Variants in MCTP1 observed in about 807,000 individuals in gnomAD.
The protein encoded by MCTP1 is multiple C2 and transmembrane domain containing 1.
In MCTP1, 69 loss-of-function variants were observed where a neutral mutation model predicts 120.6. The ratio of observed to expected loss-of-function variants is 0.57; its 90% CI spans 0.47 to 0.70. The LOEUF is 0.70. MCTP1 is among the 30% of genes least tolerant of loss of function. MCTP1 has a pLI of 0.00. For missense variants in MCTP1, 1,203 were observed against 1,248.8 expected, an observed-to-expected ratio of 0.96 and a Z score of 0.55; for synonymous variants, 529 against 493.1, an observed-to-expected ratio of 1.07 and a Z score of -0.96.
intron 1 of MCTP1, among the ~76,000 whole-genome samples, chr5:95,198,477 C>A (rs1750636994): frequency 1.3e-5 from 2 of 152,042 alleles, no homozygotes; most frequent in African/African-American, 2.4e-5. Flanking sequence ...TTGTGTTAGA[C>A]AATTTTGCCC....
intron 2 of MCTP1, among the ~76,000 whole-genome samples, chr5:94,990,767 T>C (rs910870249): frequency 6.6e-6 from 1 of 152,158 alleles, no homozygotes; most frequent in African/African-American, 2.4e-5. Context: ...ATTCCACAAG[T>C]CTTAAATCCA....
At chr5:94,849,411 T>C (rs1057019839) in intron 17 of MCTP1, among the ~76,000 whole-genome samples, 7 of 152,182 alleles carry the variant, frequency 4.6e-5, no homozygotes, top group Non-Finnish European at 1.0e-4. Context: ...TGAATAAATA[T>C]GTGCCGTTTA....
Position 94,870,889 on chromosome 5 carries a change from C to G in MCTP1, c.2224G>C (p.Asp742His), listed in dbSNP as rs531243750. The change falls in exon 15 of 23, where the codon GAT becomes CAT. Residue 742 changes from aspartate (D) to histidine (H), a missense_variant. Asp to His is a moderately conservative substitution (Grantham distance 81). Transcript: ENST00000515393. ...PTKGVIYLEI[D>H]VIFNAVKASL... ...AGACTTACAGCATTAAAAATCACAT[C>G]TATTTCAAGATAGATGACCCCCTTT... 1.9e-6 allele frequency: 3 copies of G among 1,612,518 alleles called. No individual in the cohort carries two copies. Among genetic ancestry groups the G allele is most frequent in the Non-Finnish European group, 2.5e-6 (3 of 1,178,798 alleles).
chr5:94,919,784 C>G (rs293046), intron 7 of MCTP1, among the ~76,000 whole-genome samples: 35,565 of 152,108 alleles, frequency 0.23, 4,626 homozygotes, highest in East Asian at 0.6. Flanking sequence ...TTTATTCCAG[C>G]GAATTGCACC....
intron 17 of MCTP1, among the ~76,000 whole-genome samples, chr5:94,848,429 T>G (rs1792965907): frequency 6.6e-6 from 1 of 152,020 alleles, no homozygotes; most frequent in African/African-American, 2.4e-5. Context: ...TCTAACCACT[T>G]AAGATGTGAA....
At chr5:95,101,951 C>G (rs946512857) in intron 1 of MCTP1, among the ~76,000 whole-genome samples, 2 of 152,158 alleles carry the variant, frequency 1.3e-5, no homozygotes, top group Non-Finnish European at 2.9e-5. Context: ...ATCAGATGCT[C>G]TCCTAGGGCA....
intron 1 of MCTP1, among the ~76,000 whole-genome samples, chr5:95,187,636 G>A (rs1300045498): frequency 1.8e-4 from 27 of 152,218 alleles, no homozygotes; most frequent in African/African-American, 6.0e-4. Context: ...TCCTGACCTC[G>A]TGATCCACCC....
intron 17 of MCTP1, among the ~76,000 whole-genome samples, chr5:94,849,042 T>C (rs1793110176): frequency 6.6e-6 from 1 of 152,004 alleles, no homozygotes; most frequent in Non-Finnish European, 1.5e-5. Context: ...TCAGAAACAA[T>C]TTGTTCAAAG....
At chr5:95,227,415 TC>T (rs1327076013) in intron 1 of MCTP1, among the ~76,000 whole-genome samples, 1 of 152,158 alleles carries the variant, frequency 6.6e-6, no homozygotes, top group Non-Finnish European at 1.5e-5. Context: ...ATAGAATCAA[TC>T]ATCACCCATT....
intron 17 of MCTP1, among the ~76,000 whole-genome samples, chr5:94,807,505 G>C (rs1016374386): frequency 6.6e-6 from 1 of 152,142 alleles, no homozygotes; most frequent in African/African-American, 2.4e-5. Flanking sequence ...TTGAAGAGTA[G>C]GATAGTTAGA....
At chr5:94,958,534 G>C (rs1447973396) in intron 2 of MCTP1, among the ~76,000 whole-genome samples, 2 of 152,028 alleles carry the variant, frequency 1.3e-5, no homozygotes, top group Admixed American at 6.6e-5. Context: ...GGATAATAAA[G>C]AAGAAAAGAG....
chr5:94,924,113 A>G, intron 6 of MCTP1, 92 bp from the exon 7 acceptor site: 1 of 734,684 alleles, frequency 1.4e-6, no homozygotes, highest in Non-Finnish European at 2.1e-6. Flanking sequence ...AAGCAAATAA[A>G]AAATCGAAAA....
chr5:95,076,733 C>T (rs1207756124), intron 1 of MCTP1, among the ~76,000 whole-genome samples: 1 of 152,184 alleles, frequency 6.6e-6, no homozygotes, highest in Non-Finnish European at 1.5e-5. Flanking sequence ...ATAGAATGTC[C>T]TCAAACCGTG....
rs986928395 is a variant in MCTP1, at chr5:94,766,005, G to A, written c.2610+13105C>T. Among the ~76,000 whole-genome samples the A allele has an allele frequency of 3.3e-5, 5 of 152,180 alleles. No homozygotes were observed. The South Asian group carries it at 1.0e-3, about 31-fold the overall frequency. On this transcript the variant is annotated intron_variant, in intron 19 of 22. Transcript: ENST00000515393. The stretch of plus-strand genomic sequence containing the variant: ...CACGCTTGTAATCCCAGCACTTTGG[G>A]AGGCCGAGGAGGGCAGATCGCCTGA...
At chr5:94,835,804 A>C (rs554269142) in intron 17 of MCTP1, among the ~76,000 whole-genome samples, 1 of 152,246 alleles carries the variant, frequency 6.6e-6, no homozygotes, top group East Asian at 1.9e-4. Context: ...GGAGATCGAG[A>C]CCACCCTGAC....
chr5:95,134,040 T>C (rs1759250980), intron 1 of MCTP1, among the ~76,000 whole-genome samples: 2 of 152,334 alleles, frequency 1.3e-5, no homozygotes, highest in East Asian at 3.9e-4. Flanking sequence ...TTTCATCTGT[T>C]TGTCTGATCT....
chr5:95,212,475 T>C (rs1752501012), intron 1 of MCTP1, among the ~76,000 whole-genome samples: 1 of 151,582 alleles, frequency 6.6e-6, no homozygotes, highest in South Asian at 2.1e-4. Flanking sequence ...ACTATTCCAA[T>C]CAATAGAAAA....
chr5:94,764,101 C>T (rs1386091677), intron 19 of MCTP1, among the ~76,000 whole-genome samples: 3 of 152,248 alleles, frequency 2.0e-5, no homozygotes, highest in South Asian at 2.1e-4. Flanking sequence ...GTGGATAGTG[C>T]CAGCCTTGTT....
chr5:94,921,190 T>C lies in MCTP1; in HGVS notation c.1272+2772A>G, dbSNP rs530320993. Among the ~76,000 whole-genome samples, 3 of 152,322 alleles carry C rather than the reference T, an allele frequency of 2.0e-5. No individual in the cohort carries two copies. In the East Asian group the frequency reaches 5.8e-4, roughly 29 times the overall value. On this transcript the variant is annotated intron_variant, in intron 7 of 22. Transcript: ENST00000515393. ...TAATACAATTTTTACTTAATCTGAT[T>C]CACATAATTTTTATTGTTTTCATGA...
Sources: allele counts gnomAD v4.1 joint callset (sites outside exome capture counted in the v4.1 genomes callset), GRCh38; gene constraint gnomAD v4.1.1; transcripts MANE v1.5; gene names NCBI Gene and HGNC (gene_info 2026-07-23, HGNC 2026-07-21).